Variants in RECQL observed in about 807,000 individuals in gnomAD.
RECQL encodes the protein RecQ like helicase, also known as ATP-dependent DNA helicase Q1.
RECQL carries 73 observed loss-of-function variants against 75.8 expected under a neutral mutation model. The ratio of observed to expected loss-of-function variants is 0.96; its 90% CI spans 0.80 to 1.17. The LOEUF (loss-of-function observed/expected upper bound fraction) is 1.17, where lower values mean the gene tolerates loss of function less well. Ranked by LOEUF, RECQL falls within the 50% of genes most tolerant of loss-of-function variation. RECQL has a pLI of 0.00. For synonymous variants in RECQL, 248 were observed against 254.4 expected (o/e 0.97, Z 0.24); for missense variants, 699 against 772.1 (o/e 0.91, Z 1.12).
chr12:21,470,858 A>T, intron 14 of RECQL, 111 bp downstream of exon 14: 2 of 717,030 alleles, frequency 2.8e-6, no homozygotes, highest in East Asian at 6.9e-5. Flanking sequence ...TAATCAGAAA[A>T]CTGACTTTTC....
intron 7 of RECQL, 93 bp downstream of exon 7, chr12:21,477,710 C>T: frequency 9.4e-7 from 1 of 1,067,376 alleles, no homozygotes; most frequent in Non-Finnish European, 1.3e-6. Flanking sequence ...TTTGTAAGTA[C>T]TTAACTGCTC....
At chr12:21,484,323 T>C (rs1046311534) in intron 5 of RECQL, among the ~76,000 whole-genome samples, 1 of 152,192 alleles carries the variant, frequency 6.6e-6, no homozygotes, top group South Asian at 2.1e-4. Flanking sequence ...TATTCTAGGA[T>C]ACAGATGTTC....
rs1942894065 is a variant in RECQL at position 21,469,992 on chromosome 12, A to G, written c.*202T>C. 1 of 656,162 alleles carries G rather than the reference A, an allele frequency of 1.5e-6. No individual in the cohort carries two copies. The highest frequency in any genetic ancestry group is 3.9e-5 in the Admixed American group (1 of 25,574). 40.6% of individuals were successfully genotyped at this position (656,162 alleles called of 1,614,324 possible). A position where few individuals can be genotyped will look rare whatever the true frequency, so the allele number is the denominator to read the frequency against. On this transcript the variant is annotated 3_prime_UTR_variant, in exon 15 of 15. Transcript: ENST00000444129. ...TACATAAAAATTTTTCCCTTGTTTT[A>G]TACTGGAAAATTATATAATTCATGA...
intron 2 of RECQL, among the ~76,000 whole-genome samples, chr12:21,494,264 A>T (rs1056531248): frequency 2.6e-5 from 4 of 152,116 alleles, no homozygotes; most frequent in African/African-American, 9.7e-5. Flanking sequence ...CATGACCCAA[A>T]CACCTCCCAC....
At position 21,471,635 on chromosome 12, in the gene RECQL, T is replaced by G. The variant is rs6501; in HGVS notation, c.1460A>C (p.Lys487Thr). 3.4e-3 allele frequency: 5,478 copies of G among 1,612,030 alleles called. 98 individuals are homozygous for G. In the African/African-American group the frequency reaches 0.046, roughly 14 times the overall value. ...ATCTCTGCAGTACTCTGTTATGTTC[T>G]TTCTTTCAAATGCTGTAATAAAACA... ...NCCKDSAFER[K>T]NITEYCRDLI... The change falls in exon 13 of 15, where the codon AAG (lysine) becomes ACG (threonine). Residue 487 changes from lysine (K) to threonine (T), a missense_variant. Physicochemically the swap from Lys to Thr is moderately conservative, Grantham distance 78. Coordinates refer to ENST00000444129, the MANE Select transcript of RECQL (RefSeq NM_002907.4).
intron 5 of RECQL, 33 bp from the exon 6 acceptor site, chr12:21,483,607 T>C (rs1371901025): frequency 1.4e-6 from 2 of 1,459,968 alleles, no homozygotes; most frequent in East Asian, 2.3e-5. Context: ...ACAATGATAG[T>C]AAAACTAAGC....
At chr12:21,476,125 C>T (rs146645956) in intron 8 of RECQL, among the ~76,000 whole-genome samples, 1 of 152,096 alleles carries the variant, frequency 6.6e-6, no homozygotes, top group East Asian at 1.9e-4. Context: ...AAGATGCTAA[C>T]AAATGTGCTA....
intron 12 of RECQL, 114 bp downstream of exon 12, chr12:21,473,435 CTT>C (rs1943021966): frequency 2.6e-6 from 2 of 768,052 alleles, no homozygotes; most frequent in Admixed American, 4.4e-5. Flanking sequence ...TGTAAGTACA[CTT>C]TGATGTTTGC....
Position 21,473,838 on chromosome 12 carries a change from G to A in RECQL, c.1356-196C>T, listed in dbSNP as rs560451479. Among the ~76,000 whole-genome samples, 8 of 152,156 alleles carry A rather than the reference G, an allele frequency of 5.3e-5. No homozygotes were observed. The East Asian group carries it at 1.5e-3, about 29-fold the overall frequency. On this transcript the variant is annotated intron_variant, in intron 11 of 14. Transcript: ENST00000444129. Reference sequence around the variant, plus strand: ...TTAGAAGTGTACTATGGGTTTCACTGGATCAAAATCAGAGTGTCAGGTTCT... The same window carrying A: ...TTAGAAGTGTACTATGGGTTTCACTAGATCAAAATCAGAGTGTCAGGTTCT...
In RECQL at chr12:21,483,085, T is replaced by A. The variant is rs112558240; in HGVS notation, c.700+291A>T. On this transcript the variant is annotated intron_variant, in intron 6 of 14. Coordinates refer to ENST00000444129, the MANE Select transcript of RECQL (RefSeq NM_002907.4). ...CATATGTGTCCATATTTGTCCATAATTGACAAGGGCAATTAAACTACAGAC... is the reference window on the plus strand; with the variant it reads ...CATATGTGTCCATATTTGTCCATAAATGACAAGGGCAATTAAACTACAGAC... Among the ~76,000 whole-genome samples the A allele has an allele frequency of 5.4e-3, 818 of 152,286 alleles. 8 individuals carry two copies. The highest frequency in any genetic ancestry group is 0.019 in the African/African-American group (784 of 41,550).
At chr12:21,495,824 T>C (rs190897346) in intron 2 of RECQL, among the ~76,000 whole-genome samples, 36 of 152,166 alleles carry the variant, frequency 2.4e-4, no homozygotes, top group African/African-American at 7.7e-4. Flanking sequence ...AAGGGCAGGG[T>C]TGGTGATCTC....
intron 1 of RECQL, among the ~76,000 whole-genome samples, chr12:21,500,621 C>T (rs1441908535): frequency 6.6e-6 from 1 of 152,198 alleles, no homozygotes; most frequent in African/African-American, 2.4e-5. Flanking sequence ...AATTCTTGAT[C>T]TATACAAACA....
chr12:21,497,342 T>G (rs564743203), intron 2 of RECQL, among the ~76,000 whole-genome samples: 46 of 152,296 alleles, frequency 3.0e-4, no homozygotes, highest in African/African-American at 1.1e-3. Context: ...GCAGACCTAA[T>G]TTACAAAAGA....
At chr12:21,492,596 C>T (rs1003819775) in intron 2 of RECQL, among the ~76,000 whole-genome samples, 5 of 152,204 alleles carry the variant, frequency 3.3e-5, no homozygotes, top group Non-Finnish European at 7.3e-5. Flanking sequence ...TTAGGTTTGG[C>T]CACAAGTGAA....
intron 7 of RECQL, among the ~76,000 whole-genome samples, chr12:21,477,447 T>C (rs543887159): frequency 6.6e-6 from 1 of 152,348 alleles, no homozygotes; most frequent in East Asian, 1.9e-4. Flanking sequence ...AATACTTCTA[T>C]CACTTAGTAA....
intron 4 of RECQL, among the ~76,000 whole-genome samples, chr12:21,489,396 T>A (rs1193812271): frequency 6.6e-6 from 1 of 151,218 alleles, no homozygotes; most frequent in Non-Finnish European, 1.5e-5. Context: ...ATCAGTAATA[T>A]CAGTAGCACT....
At chr12:21,475,297 GAACAT>G (rs1177513247) in intron 10 of RECQL, among the ~76,000 whole-genome samples, 166 bp downstream of exon 10, 1 of 151,940 alleles carries the variant, frequency 6.6e-6, no homozygotes, top group Non-Finnish European at 1.5e-5. Context: ...TCAGATAACA[GAACAT>G]AAGTAAAAAT....
chr12:21,475,755 T>G lies in RECQL; in HGVS notation c.1019A>C (p.His340Pro). Residue 340 changes from histidine (H) to proline (P), a missense_variant, in exon 9 of 15, where the codon CAT (histidine) becomes CCT (proline). By Grantham distance (77) the His-to-Pro change is moderately conservative. This residue lies in a region of RECQL where 669 missense variants were observed against 713.5 expected (regional missense o/e 0.94). Coordinates refer to ENST00000444129, the MANE Select transcript of RECQL (RefSeq NM_002907.4). The part of the protein sequence containing the change: ...VTVSLQNLGI[H>P]AGAYHANLEP... ...CAAATTGGCATGGTAAGCACCTGCA[T>G]GAATTCCCAGATTCTGCAAACTAAC... is the stretch of plus-strand genomic sequence containing the variant. 1 of 1,613,298 alleles carries G rather than the reference T, an allele frequency of 6.2e-7. No homozygotes were observed. Among genetic ancestry groups the G allele is most frequent in the Non-Finnish European group, 8.5e-7 (1 of 1,179,388 alleles).
Position 21,477,960 on chromosome 12 carries a change from G to C in RECQL, c.710C>G (p.Ala237Gly). 6.2e-7 allele frequency: 1 copy of C among 1,602,120 alleles called. No homozygotes were observed. The highest frequency in any genetic ancestry group is 1.7e-4 in the Middle Eastern group (1 of 6,018). Reference sequence around the variant, plus strand: ...GAACTGCCGCTTTAAGATACCAAGTGCCTTATAATCTGAAAAAACAAACAA... The same window carrying C: ...GAACTGCCGCTTTAAGATACCAAGTCCCTTATAATCTGAAAAAACAAACAA... The part of the protein sequence containing the change: ...WGHDFRPDYK[A>G]LGILKRQFPN... The change falls in exon 7 of 15, where the codon GCA becomes GGA. Residue 237 changes from alanine to glycine, a missense_variant. Ala to Gly is a moderately conservative substitution (Grantham distance 60, BLOSUM62 0). Transcript: ENST00000444129.
Sources: gnomAD v4.1 joint callset for allele counts (sites outside exome capture counted in the v4.1 genomes callset) on GRCh38, gnomAD v4.1.1 for gene constraint, gnomAD v4.1.1 regional missense constraint, MANE v1.5 for transcripts, NCBI Gene and HGNC (gene_info 2026-07-23, HGNC 2026-07-21) for gene names.